The following EYA1 variants were observed in gnomAD, a reference collection of about 807,000 sequenced individuals.
EYA1 encodes EYA transcriptional coactivator and phosphatase 1.
Under a neutral mutation model 82.0 loss-of-function variants are expected in EYA1, and 16 were observed. That is an observed-to-expected ratio of 0.20 (90% CI 0.13 to 0.30). The LOEUF (loss-of-function observed/expected upper bound fraction) is 0.30. EYA1 is among the 10% of genes least tolerant of loss of function. The pLI, the probability that EYA1 is intolerant of heterozygous loss-of-function variation, is 1.00. For synonymous variants in EYA1, 261 were observed against 264.4 expected, an observed-to-expected ratio of 0.99 and a Z score of 0.12; for missense variants, 633 against 730.7, an observed-to-expected ratio of 0.87 and a Z score of 1.54.
intron 17 of EYA1, 142 bp from the exon 18 acceptor site, chr8:71,199,562 A>T: frequency 1.4e-6 from 1 of 690,634 alleles, no homozygotes; most frequent in Non-Finnish European, 2.6e-6. Flanking sequence ...ACATCTGTTT[A>T]AAACAAAAAT....
intron 12 of EYA1, among the ~76,000 whole-genome samples, chr8:71,243,975 A>T (rs141150992): frequency 1.3e-5 from 2 of 152,262 alleles, no homozygotes; most frequent in Non-Finnish European, 2.9e-5. Flanking sequence ...ATATTTTCTC[A>T]TAATGGAGAT....
chr8:71,244,129 A>T (rs1034456047), intron 12 of EYA1, among the ~76,000 whole-genome samples: 1 of 152,238 alleles, frequency 6.6e-6, no homozygotes, highest in African/African-American at 2.4e-5. Flanking sequence ...GCAGTGTGAC[A>T]TAAGCAGTCC....
rs190942471 is a variant in EYA1 at position 71,360,845 on chromosome 8, G to C, written c.-55+802C>G. 3.9e-5 allele frequency among the ~76,000 whole-genome samples: 6 copies of C among 152,286 alleles called. No homozygotes were observed. The East Asian group carries it at 1.2e-3, about 29-fold the overall frequency. The stretch of plus-strand genomic sequence containing the variant: ...TTTGCCTAAATTCAATGACAGCTCT[G>C]AATTTATTGAATTCTTGCAAATGCT... On this transcript the variant is annotated intron_variant, in intron 1 of 17. Transcript: ENST00000340726.
At chr8:71,541,005 C>T (rs1815095096) in intron 1 of EYA1, among the ~76,000 whole-genome samples, 1 of 152,152 alleles carries the variant, frequency 6.6e-6, no homozygotes, top group African/African-American at 2.4e-5. Flanking sequence ...GGATAAATGA[C>T]CTCCAGAGCC....
chr8:71,521,605 T>C (rs1387650752), intron 2 of EYA1, among the ~76,000 whole-genome samples: 2 of 152,164 alleles, frequency 1.3e-5, no homozygotes, highest in Admixed American at 1.3e-4. Context: ...AGAATTCTCT[T>C]CTGTAAAACT....
chr8:71,225,246 G>T (rs1286454546), intron 12 of EYA1: 4 of 456,146 alleles, frequency 8.8e-6, no homozygotes, highest in Non-Finnish European at 1.8e-5. Context: ...CTCAAGCGCT[G>T]CTAGGCTTTC....
At chr8:71,439,074 G>T (rs917956649) in intron 2 of EYA1, among the ~76,000 whole-genome samples, 6 of 152,242 alleles carry the variant, frequency 3.9e-5, no homozygotes, top group Admixed American at 1.3e-4. Context: ...CAGAGATTTT[G>T]ATATGGGGGG....
At chr8:71,323,753 G>T (rs1344742923) in intron 4 of EYA1, among the ~76,000 whole-genome samples, 1 of 152,178 alleles carries the variant, frequency 6.6e-6, no homozygotes, top group African/African-American at 2.4e-5. Context: ...AAGGTGCAAA[G>T]ACTAGATCTG....
chr8:71,264,312 G>C (rs1815508430), intron 11 of EYA1, among the ~76,000 whole-genome samples: 2 of 152,200 alleles, frequency 1.3e-5, no homozygotes, highest in African/African-American at 4.8e-5. Flanking sequence ...GAACTGAGCT[G>C]TTCTGATGAA....
chr8:71,401,386 G>A (rs142848288), intron 2 of EYA1, among the ~76,000 whole-genome samples: 41 of 152,030 alleles, frequency 2.7e-4, no homozygotes, highest in African/African-American at 7.2e-4. Context: ...CTTTAACTTC[G>A]GTCTTTATTA....
intron 2 of EYA1, among the ~76,000 whole-genome samples, chr8:71,439,994 T>C (rs950017101): frequency 1.3e-5 from 2 of 152,168 alleles, no homozygotes; most frequent in Non-Finnish European, 2.9e-5. Flanking sequence ...ATAATAATTA[T>C]TTTTAAAGAC....
chr8:71,286,621 A>C (rs747691715), intron 9 of EYA1, among the ~76,000 whole-genome samples: 1 of 152,086 alleles, frequency 6.6e-6, no homozygotes, highest in Non-Finnish European at 1.5e-5. Flanking sequence ...ACATTTTCCT[A>C]TGAAAATTAC....
intron 2 of EYA1, among the ~76,000 whole-genome samples, chr8:71,438,131 T>A (rs1225765987): frequency 6.6e-6 from 1 of 152,118 alleles, no homozygotes; most frequent in Admixed American, 6.6e-5. Flanking sequence ...CCTAGATGAA[T>A]TCCTTACCAT....
intron 2 of EYA1, among the ~76,000 whole-genome samples, chr8:71,400,994 G>C (rs897977162): frequency 2.0e-5 from 3 of 152,182 alleles, no homozygotes; most frequent in Admixed American, 2.0e-4. Flanking sequence ...CAGGGACATG[G>C]ATGGAGTTGG....
At chr8:71,375,262 A>G (rs183749781) in intron 2 of EYA1, among the ~76,000 whole-genome samples, 4 of 95,298 alleles carry the variant, frequency 4.2e-5, no homozygotes, top group Non-Finnish European at 8.6e-5. Flanking sequence ...TACATCTTAA[A>G]TATATATATA....
intron 1 of EYA1, among the ~76,000 whole-genome samples, chr8:71,545,292 G>A (rs1008934266): frequency 6.6e-6 from 1 of 152,056 alleles, no homozygotes; most frequent in African/African-American, 2.4e-5. Context: ...CTTCATAAAG[G>A]ATAAAAGGTC....
chr8:71,347,963 C>T (rs1825917954), intron 3 of EYA1, among the ~76,000 whole-genome samples: 2 of 149,920 alleles, frequency 1.3e-5, no homozygotes, highest in South Asian at 4.3e-4. Context: ...TAAGCTCTCA[C>T]TTATAAATTG....
chr8:71,372,669 C>T lies in EYA1; in HGVS notation c.34-16158G>A, dbSNP rs574556903. 1.6e-3 allele frequency among the ~76,000 whole-genome samples: 243 copies of T among 152,196 alleles called. 1 individual carries two copies. Among genetic ancestry groups the T allele is most frequent in the African/African-American group, 5.6e-3 (232 of 41,554 alleles). On this transcript the variant is annotated intron_variant, in intron 2 of 18. Coordinates refer to the EYA1 transcript ENST00000643681. ...GAAGATGAGGGAATTGATACAATAA[C>T]AGATACATCTGAATATATGCAAAGG...
intron 12 of EYA1, among the ~76,000 whole-genome samples, chr8:71,234,834 C>T (rs1411980465): frequency 6.6e-6 from 1 of 152,070 alleles, no homozygotes; most frequent in Non-Finnish European, 1.5e-5. Context: ...GCTTATATGT[C>T]ATCTCTTGAC....
Sources: gnomAD v4.1 joint callset for allele counts (sites outside exome capture counted in the v4.1 genomes callset) on GRCh38, gnomAD v4.1.1 for gene constraint, MANE v1.5 for transcripts, NCBI Gene and HGNC (gene_info 2026-07-23, HGNC 2026-07-21) for gene names.